Variants in PLK1 observed in about 807,000 individuals in gnomAD.
PLK1 encodes polo like kinase 1, also known as serine/threonine-protein kinase PLK1.
PLK1 carries 6 observed loss-of-function variants against 56.7 expected under a neutral mutation model. That is an observed-to-expected ratio of 0.11 (90% CI 0.06 to 0.21). The LOEUF (loss-of-function observed/expected upper bound fraction) is 0.21, where lower values mean the gene tolerates loss of function less well. PLK1 is among the 10% of genes least tolerant of loss of function. The pLI is 1.00. For missense variants in PLK1, 546 were observed against 814.4 expected (o/e 0.67, Z 4.01); for synonymous variants, 298 against 325.0 (o/e 0.92, Z 0.89).
intron 5 of PLK1, among the ~76,000 whole-genome samples, chr16:23,684,568 G>A (rs777454251): frequency 3.9e-5 from 6 of 152,096 alleles, no homozygotes; most frequent in Non-Finnish European, 5.9e-5. Flanking sequence ...TGCCCAGGCT[G>A]GTCTTGGAAC....
At chr16:23,687,708 G>T in intron 6 of PLK1, 84 bp downstream of exon 6, 2 of 1,035,434 alleles carry the variant, frequency 1.9e-6, no homozygotes, top group African/African-American at 1.6e-5. Flanking sequence ...ACAAAGCACT[G>T]GTGACTTGTT....
At position 23,679,011 on chromosome 16, in the gene PLK1, G is replaced by T; in HGVS notation, c.79G>T (p.Ala27Ser). The change falls in exon 1 of 10, where the codon GCT becomes TCT. Residue 27 changes from alanine (A) to serine (S), a missense_variant. Coordinates refer to ENST00000300093, the MANE Select transcript of PLK1 (RefSeq NM_005030.6). ...GAAAGCCGGGGTCCCCGGAGTTGCA[G>T]CTCCCGGAGCTCCGGCGGCGGCTCC... ...PGKAGVPGVA[A>S]PGAPAAAPPA... is the part of the protein sequence containing the mutation. 1 of 1,607,306 alleles carries T rather than the reference G, an allele frequency of 6.2e-7. No individual in the cohort carries two copies. Among genetic ancestry groups the T allele is most frequent in the Non-Finnish European group, 8.5e-7 (1 of 1,177,374 alleles).
chr16:23,679,809 C>T (rs999631629), intron 1 of PLK1: 38 of 348,510 alleles, frequency 1.1e-4, no homozygotes, highest in Middle Eastern at 3.8e-4. Context: ...CGGAGTGGGG[C>T]TGAGAGAGGA....
intron 1 of PLK1, 47 bp downstream of exon 1, chr16:23,679,387 A>G: frequency 6.4e-7 from 1 of 1,563,748 alleles, no homozygotes; most frequent in Non-Finnish European, 8.7e-7. Context: ...GGGCAGTTGG[A>G]GCGCCCAGAC....
chr16:23,685,831 G>T (rs1321923185), intron 5 of PLK1, among the ~76,000 whole-genome samples: 3 of 151,564 alleles, frequency 2.0e-5, no homozygotes, highest in African/African-American at 7.3e-5. Flanking sequence ...TTACAGGTGT[G>T]AGCCACTGTG....
At chr16:23,688,474 CTG>C (rs1282542022) in intron 6 of PLK1, among the ~76,000 whole-genome samples, 192 bp from the exon 7 acceptor site, 1 of 152,230 alleles carries the variant, frequency 6.6e-6, no homozygotes, top group African/African-American at 2.4e-5. Context: ...GCAGAGATAT[CTG>C]TGCTGCTGCT....
Position 23,689,167 on chromosome 16 carries a change from T to G in PLK1, c.1271-71T>G. The G allele has an allele frequency of 7.2e-7, 1 of 1,385,414 alleles. No homozygotes were observed. The highest frequency in any genetic ancestry group is 1.0e-6 in the Non-Finnish European group (1 of 988,326). The allele number at this position is 1,385,414 out of a possible 1,614,324, so 85.8% of individuals were successfully genotyped here. On this transcript the variant is annotated intron_variant, in intron 7 of 9. Transcript: ENST00000300093. The surrounding 1 kb of genome is among the most constrained non-coding windows in gnomAD (Gnocchi z 4.8). ...CCAAAGTGCTGGAATCACAGGCATGTGCCACCACGCCCGGTCCCACTCCCC... is the reference window on the plus strand; with the variant it reads ...CCAAAGTGCTGGAATCACAGGCATGGGCCACCACGCCCGGTCCCACTCCCC...
chr16:23,680,713 G>A (rs1341636161), intron 2 of PLK1, among the ~76,000 whole-genome samples: 1 of 152,160 alleles, frequency 6.6e-6, no homozygotes, highest in Non-Finnish European at 1.5e-5. Flanking sequence ...TAAAAGGAGG[G>A]GTGAGAAGTG....
intron 5 of PLK1, among the ~76,000 whole-genome samples, chr16:23,685,707 CAAAA>C (rs533223626): frequency 2.3e-5 from 3 of 129,668 alleles, no homozygotes; most frequent in Non-Finnish European, 5.0e-5. Flanking sequence ...GACTCTGTCT[CAAAA>C]AAAAAAAAAA....
At chr16:23,682,037 G>A (rs774287193) in intron 3 of PLK1, 27 bp from the exon 4 acceptor site, 3 of 1,237,608 alleles carry the variant, frequency 2.4e-6, no homozygotes, top group South Asian at 2.4e-5. Flanking sequence ...TGGGAGACTG[G>A]TGCCAAATCC....
In PLK1 at chr16:23,689,968, T is replaced by A. The variant is rs1210743504; in HGVS notation, c.1717T>A (p.Cys573Ser). 6.2e-7 allele frequency: 1 copy of A among 1,613,870 alleles called. No individual in the cohort carries two copies. Among genetic ancestry groups the A allele is most frequent in the Non-Finnish European group, 8.5e-7 (1 of 1,179,984 alleles). ...GAGTCTCCTGGAGGAGTACGGCTGCTGCAAGGAGCTGGCCAGCCGGCTCCG... is the reference window on the plus strand; with the variant it reads ...GAGTCTCCTGGAGGAGTACGGCTGCAGCAAGGAGCTGGCCAGCCGGCTCCG... Reference protein sequence around the residue: ...RLSLLEEYGCCKELASRLRYA... With the variant: ...RLSLLEEYGCSKELASRLRYA... The change falls in exon 10 of 10, where the codon TGC becomes AGC. Residue 573 changes from cysteine to serine, a missense_variant. Physicochemically the swap from Cys to Ser is moderately radical, Grantham distance 112 (BLOSUM62 -1). Coordinates refer to ENST00000300093, the MANE Select transcript of PLK1 (RefSeq NM_005030.6). The surrounding 1 kb of genome is among the most constrained non-coding windows in gnomAD (Gnocchi z 4.8).
intron 5 of PLK1, among the ~76,000 whole-genome samples, chr16:23,686,744 G>T (rs575696081): frequency 2.6e-5 from 4 of 152,306 alleles, no homozygotes; most frequent in Admixed American, 2.6e-4. Flanking sequence ...ACCTGCCTCG[G>T]TCTCTCATAG....
chr16:23,686,908 C>G (rs1597136281), intron 5 of PLK1: 1 of 152,218 alleles, frequency 6.6e-6, no homozygotes, highest in Admixed American at 6.5e-5. Context: ...GGAGAATTAG[C>G]ACATGGTGGT....
Position 23,679,315 on chromosome 16 carries a change from T to C in PLK1, c.383T>C (p.Val128Ala), listed in dbSNP as rs780291064. The change falls in exon 1 of 10, where the codon GTG (valine) becomes GCG (alanine). Residue 128 changes from valine to alanine, a missense_variant. Coordinates refer to ENST00000300093, the MANE Select transcript of PLK1 (RefSeq NM_005030.6). ...GFFEDNDFVF[V>A]VLELCRRRSL... ...TTCGAGGACAACGACTTCGTGTTCG[T>C]GGTGTTGGAGCTCTGCCGCCGGAGG... 1.2e-6 allele frequency: 2 copies of C among 1,613,232 alleles called. No homozygotes were observed. The highest frequency in any genetic ancestry group is 1.7e-6 in the Non-Finnish European group (2 of 1,179,724).
chr16:23,690,073 TC>T lies in PLK1; in HGVS notation c.*14del. On this transcript the variant is annotated 3_prime_UTR_variant, in exon 10 of 10. Coordinates refer to ENST00000300093, the MANE Select transcript of PLK1 (RefSeq NM_005030.6). ...TCTCAAGGCCTCCTAATAGCTGCCC[TC>T]CCCTCCGGACTGGTGCCCTCCTCAC... is the stretch of plus-strand genomic sequence containing the variant. The T allele has an allele frequency of 1.2e-6, 2 of 1,600,074 alleles. No individual in the cohort carries two copies. Among genetic ancestry groups the T allele is most frequent in the Non-Finnish European group, 1.7e-6 (2 of 1,174,840 alleles).
chr16:23,686,114 C>T (rs1567239887), intron 5 of PLK1, among the ~76,000 whole-genome samples: 1 of 152,114 alleles, frequency 6.6e-6, no homozygotes. Flanking sequence ...TCGTACCTCA[C>T]AGTAGCTTTG....
At chr16:23,688,635 G>C (rs552293848) in intron 6 of PLK1, 33 bp from the exon 7 acceptor site, 17 of 1,554,302 alleles carry the variant, frequency 1.1e-5, no homozygotes, top group Non-Finnish European at 1.2e-5. Context: ...GGCTGGTCCT[G>C]ACCAACTAAC....
chr16:23,681,162 G>T (rs1168947320), intron 3 of PLK1, 104 bp downstream of exon 3: 2 of 991,630 alleles, frequency 2.0e-6, no homozygotes, highest in African/African-American at 3.3e-5. Flanking sequence ...CTGCTTTACA[G>T]AAAGCCTACT....
chr16:23,689,186 A>T lies in PLK1; in HGVS notation c.1271-52A>T. On this transcript the variant is annotated intron_variant, in intron 7 of 9. Coordinates refer to ENST00000300093, the MANE Select transcript of PLK1 (RefSeq NM_005030.6). This position sits in a 1 kb window ranked among gnomAD's most constrained non-coding sequence, Gnocchi z 4.8. ...GGCATGTGCCACCACGCCCGGTCCC[A>T]CTCCCCACTTTCTATTCCCCCTTTC... is the stretch of plus-strand genomic sequence containing the variant. 1 of 1,542,300 alleles carries T rather than the reference A, an allele frequency of 6.5e-7. No individual in the cohort carries two copies. The highest frequency in any genetic ancestry group is 8.9e-7 in the Non-Finnish European group (1 of 1,122,382).
Sources: gnomAD v4.1 joint callset for allele counts (sites outside exome capture counted in the v4.1 genomes callset) on GRCh38, gnomAD v4.1.1 for gene constraint, Gnocchi (gnomAD v3.1) non-coding constraint, MANE v1.5 for transcripts, NCBI Gene and HGNC (gene_info 2026-07-23, HGNC 2026-07-21) for gene names.